The following C10orf67 variants were observed in gnomAD, a reference collection of about 807,000 sequenced individuals.
C10orf67 encodes the protein uncharacterized protein C10orf67, mitochondrial.
In C10orf67, 60 loss-of-function variants were observed where a neutral mutation model predicts 35.6. The ratio of observed to expected loss-of-function variants is 1.68; its 90% CI spans 1.37 to 2.09. The LOEUF is 2.09. Among genes scored for constraint, C10orf67 ranks in the 30% most tolerant of loss-of-function variants. The pLI is 0.00. For missense variants in C10orf67, 474 were observed against 330.2 expected (o/e 1.44, Z -3.38); for synonymous variants, 167 against 115.8 (o/e 1.44, Z -2.84).
intron 5 of C10orf67, among the ~76,000 whole-genome samples, chr10:23,297,906 T>G (rs1264367569): frequency 6.6e-6 from 1 of 152,204 alleles, no homozygotes; most frequent in Non-Finnish European, 1.5e-5. Flanking sequence ...CTTCCCTGTA[T>G]TATTTTAACT....
chr10:23,260,485 C>A (rs1396645631), intron 10 of C10orf67, among the ~76,000 whole-genome samples: 1 of 152,106 alleles, frequency 6.6e-6, no homozygotes, highest in Non-Finnish European at 1.5e-5. Flanking sequence ...CTTACTGTGA[C>A]AAGTATATCA....
At chr10:23,215,227 T>G (rs190952762) in intron 15 of C10orf67, among the ~76,000 whole-genome samples, 10 of 151,768 alleles carry the variant, frequency 6.6e-5, no homozygotes, top group African/African-American at 2.4e-4. Flanking sequence ...TATTCGAAAA[T>G]CTCTCTCACC....
chr10:23,243,357 A>C (rs574265663), intron 12 of C10orf67, among the ~76,000 whole-genome samples: 105 of 152,292 alleles, frequency 6.9e-4, no homozygotes, highest in African/African-American at 2.4e-3. Context: ...CCTCATTGAA[A>C]TATTTAGAAC....
intron 13 of C10orf67, among the ~76,000 whole-genome samples, chr10:23,226,030 C>T (rs551399387): frequency 2.0e-5 from 3 of 152,176 alleles, no homozygotes; most frequent in Admixed American, 6.5e-5. Flanking sequence ...GACAGATCAA[C>T]GAGACAGAAA....
chr10:23,241,865 C>T (rs1842189167), intron 12 of C10orf67, among the ~76,000 whole-genome samples: 1 of 149,532 alleles, frequency 6.7e-6, no homozygotes, highest in Non-Finnish European at 1.5e-5. Context: ...AACAAAAGAT[C>T]AAGGGAAAAA....
At chr10:23,300,786 C>T (rs7908326) in intron 5 of C10orf67, among the ~76,000 whole-genome samples, 29,267 of 152,166 alleles carry the variant, frequency 0.19, 3,107 homozygotes, top group Admixed American at 0.29. Context: ...AGGGTCTACA[C>T]TGGGAATTGC....
At chr10:23,223,231 G>C (rs114632649) in intron 15 of C10orf67, among the ~76,000 whole-genome samples, 2,276 of 152,082 alleles carry the variant, frequency 0.015, 56 homozygotes, top group African/African-American at 0.052. Context: ...ATGCCACCAT[G>C]CCTGGCTAAT....
rs181168318 is a variant in C10orf67, at chr10:23,211,827, T to C, written c.1571-7572A>G. Among the ~76,000 whole-genome samples the C allele has an allele frequency of 8.9e-4, 136 of 152,308 alleles. 1 individual carries two copies. Among genetic ancestry groups the C allele is most frequent in the African/African-American group, 3.1e-3 (127 of 41,574 alleles). On this transcript the variant is annotated intron_variant, in intron 15 of 15. Transcript: ENST00000636213. ...GAACAATGGTATAGTGAGTTCATGA[T>C]TTAGGACTCCATATGGGCCTGATAG...
intron 2 of C10orf67, among the ~76,000 whole-genome samples, chr10:23,323,071 G>A (rs1845020529): frequency 6.6e-6 from 1 of 152,142 alleles, no homozygotes. Context: ...GCCAAACTAA[G>A]ATATGATGAT....
intron 13 of C10orf67, among the ~76,000 whole-genome samples, chr10:23,231,054 C>A (rs778994080): frequency 3.9e-5 from 6 of 152,098 alleles, no homozygotes; most frequent in Non-Finnish European, 7.4e-5. Context: ...TGGGCTTGAC[C>A]TCCCAGGCTC....
At chr10:23,274,967 G>A (rs1588640319) in intron 8 of C10orf67, among the ~76,000 whole-genome samples, 2 of 152,242 alleles carry the variant, frequency 1.3e-5, no homozygotes, top group African/African-American at 2.4e-5. Flanking sequence ...TTCTTCTGCC[G>A]CAGCTTCAGC....
At chr10:23,264,308 T>C (rs575049772) in intron 10 of C10orf67, among the ~76,000 whole-genome samples, 1 of 152,288 alleles carries the variant, frequency 6.6e-6, no homozygotes, top group Admixed American at 6.5e-5. Context: ...AACAGTGAAC[T>C]AGAAAAACAT....
At chr10:23,233,020 G>T (rs1841953093) in intron 13 of C10orf67, among the ~76,000 whole-genome samples, 1 of 152,138 alleles carries the variant, frequency 6.6e-6, no homozygotes, top group Non-Finnish European at 1.5e-5. Flanking sequence ...AGCCAAGTGT[G>T]ATGGTGCACA....
intron 4 of C10orf67, among the ~76,000 whole-genome samples, chr10:23,304,803 T>C (rs915925804): frequency 6.6e-6 from 1 of 152,194 alleles, no homozygotes; most frequent in African/African-American, 2.4e-5. Flanking sequence ...GCCCACCATC[T>C]GCAAACCCAA....
intron 6 of C10orf67, 130 bp downstream of exon 6, chr10:23,291,002 T>C (rs1249949318): frequency 3.4e-6 from 2 of 586,084 alleles, no homozygotes; most frequent in Non-Finnish European, 3.0e-6. Flanking sequence ...AAAGCAAAGA[T>C]GGCTATGAAA....
At chr10:23,217,670 A>C (rs2132096413) in intron 15 of C10orf67, among the ~76,000 whole-genome samples, 1 of 152,316 alleles carries the variant, frequency 6.6e-6, no homozygotes, top group South Asian at 2.1e-4. Flanking sequence ...AACACACACC[A>C]GAAACATTCT....
At chr10:23,289,809 C>A in intron 7 of C10orf67, 91 bp downstream of exon 7, 2 of 665,374 alleles carry the variant, frequency 3.0e-6, no homozygotes, top group South Asian at 3.6e-5. Context: ...TCCTCTATGT[C>A]ATAAGACACT....
rs1473324520 is a variant in C10orf67 at position 23,344,603 on chromosome 10, C to T, written c.172G>A (p.Glu58Lys). 5.7e-6 allele frequency: 9 copies of T among 1,581,696 alleles called. No individual in the cohort carries two copies. Among genetic ancestry groups the T allele is most frequent in the African/African-American group, 5.4e-5 (4 of 74,182 alleles). Residue 58 changes from glutamate (E) to lysine (K), a missense_variant, in exon 1 of 16, where the codon GAA becomes AAA. Coordinates refer to ENST00000636213, the MANE Select transcript of C10orf67 (RefSeq NM_001371909.1). ...CCGCGCATTTGCGGGGGCTTGAATT[C>T]CCGAGCTTCTCGCTTCCTACGCGCG... is the stretch of plus-strand genomic sequence containing the variant. ...CCARRKREAR[E>K]FKPPQMRGST...
intron 3 of C10orf67, among the ~76,000 whole-genome samples, chr10:23,321,440 G>C (rs993124270): frequency 3.9e-5 from 6 of 152,110 alleles, no homozygotes; most frequent in African/African-American, 1.4e-4. Context: ...TCGAACTCCT[G>C]GGCTCAGACT....
Sources: allele counts gnomAD v4.1 joint callset (sites outside exome capture counted in the v4.1 genomes callset), GRCh38; gene constraint gnomAD v4.1.1; transcripts MANE v1.5; gene names NCBI Gene and HGNC (gene_info 2026-07-23, HGNC 2026-07-21).